GRIP1: variants seen among roughly 807,000 people sequenced by gnomAD.
GRIP1 encodes glutamate receptor-interacting protein 1.
In GRIP1, 45 loss-of-function variants were observed where a neutral mutation model predicts 129.9. The ratio of observed to expected loss-of-function variants is 0.35; its 90% CI spans 0.27 to 0.44. The LOEUF is 0.44. GRIP1 is among the 20% of genes least tolerant of loss of function. GRIP1 has a pLI of 1.00. For missense variants in GRIP1, 1,196 were observed against 1,396.8 expected, an observed-to-expected ratio of 0.86 and a Z score of 2.29; for synonymous variants, 530 against 520.8, an observed-to-expected ratio of 1.02 and a Z score of -0.24.
intron 24 of GRIP1, among the ~76,000 whole-genome samples, chr12:66,349,563 G>T (rs550164706): frequency 5.9e-5 from 9 of 152,332 alleles, no homozygotes; most frequent in Middle Eastern, 6.8e-3. Context: ...AGAAAAGCAA[G>T]CCACAAAGAG....
chr12:66,840,908 C>T (rs1183696917), intron 1 of GRIP1, among the ~76,000 whole-genome samples: 1 of 152,168 alleles, frequency 6.6e-6, no homozygotes, highest in African/African-American at 2.4e-5. Context: ...AACTGGCTAA[C>T]ATATTTTTAA....
chr12:66,584,168 A>G (rs2139648095), intron 2 of GRIP1, among the ~76,000 whole-genome samples: 1 of 150,158 alleles, frequency 6.7e-6, no homozygotes, highest in East Asian at 2.0e-4. Context: ...ACAAAAAACC[A>G]AACACCGCAT....
In GRIP1 at chr12:66,947,777, A is replaced by G. The variant is rs78389157; in HGVS notation, c.58+121273T>C. ...TTCTCCTGCGACAGGCTATTTCTGC[A>G]GGATTCCTTAGATTTACCAACCTGA... is the stretch of plus-strand genomic sequence containing the variant. On this transcript the variant is annotated intron_variant, in intron 1 of 1. Transcript: ENST00000643019. Among the ~76,000 whole-genome samples, 825 of 152,348 alleles carry G rather than the reference A, an allele frequency of 5.4e-3. 7 individuals carry two copies. The highest frequency in any genetic ancestry group is 0.019 in the African/African-American group (784 of 41,586).
chr12:66,584,768 AAT>A (rs1248446953), intron 2 of GRIP1, among the ~76,000 whole-genome samples: 2 of 152,056 alleles, frequency 1.3e-5, no homozygotes, highest in East Asian at 1.9e-4. Context: ...ACTGCAGGGT[AAT>A]ACTCTGACAG....
intron 1 of GRIP1, among the ~76,000 whole-genome samples, chr12:66,849,252 A>C (rs1375037534): frequency 6.6e-6 from 1 of 151,852 alleles, no homozygotes; most frequent in East Asian, 1.9e-4. Context: ...TCTGGCCATA[A>C]CCATTTCTTC....
rs139374371 is a variant in GRIP1, at chr12:67,055,076, TAAC to T, written c.58+13971_58+13973del. ...TAACTGGACTAGGTTCAAGAGAGAATAACAACTACTATGGAGTTAATACAGGCA... is the reference window on the plus strand; with the variant it reads ...TAACTGGACTAGGTTCAAGAGAGAATAACTACTATGGAGTTAATACAGGCA... On this transcript the variant is annotated intron_variant, in intron 1 of 1. Coordinates refer to the GRIP1 transcript ENST00000643019. Among the ~76,000 whole-genome samples, 1,147 of 152,298 alleles carry T rather than the reference TAAC, an allele frequency of 7.5e-3. 15 individuals carry two copies. The highest frequency in any genetic ancestry group is 0.025 in the African/African-American group (1,056 of 41,562).
intron 1 of GRIP1, among the ~76,000 whole-genome samples, chr12:66,720,315 C>A (rs1161106056): frequency 6.6e-6 from 1 of 152,164 alleles, no homozygotes; most frequent in Admixed American, 6.6e-5. Context: ...AAATGCTAAC[C>A]ATCATCTGAG....
At chr12:66,797,443 C>A (rs1002494272) in intron 1 of GRIP1, among the ~76,000 whole-genome samples, 2 of 152,124 alleles carry the variant, frequency 1.3e-5, no homozygotes, top group Non-Finnish European at 1.5e-5. Context: ...GCACTCTCCA[C>A]TGGGATTTAG....
At chr12:66,537,806 T>C (rs2061651551) in intron 4 of GRIP1, among the ~76,000 whole-genome samples, 1 of 152,188 alleles carries the variant, frequency 6.6e-6, no homozygotes, top group Admixed American at 6.6e-5. Context: ...ATTCAAATAA[T>C]TTTTAAATAC....
At chr12:66,720,321 C>T (rs2036021036) in intron 1 of GRIP1, among the ~76,000 whole-genome samples, 1 of 152,212 alleles carries the variant, frequency 6.6e-6, no homozygotes, top group Non-Finnish European at 1.5e-5. Context: ...TAACCATCAT[C>T]TGAGCCTTCA....
At chr12:66,515,186 T>C (rs771591636) in intron 7 of GRIP1, among the ~76,000 whole-genome samples, 7 of 152,180 alleles carry the variant, frequency 4.6e-5, no homozygotes, top group Non-Finnish European at 1.0e-4. Flanking sequence ...TGGTCGTTTC[T>C]ATTATTTTGA....
intron 19 of GRIP1, among the ~76,000 whole-genome samples, chr12:66,380,118 C>T (rs1376973769): frequency 1.3e-5 from 2 of 151,928 alleles, no homozygotes; most frequent in African/African-American, 2.4e-5. Context: ...CCATGTTGGC[C>T]AGGATGGTCT....
chr12:66,679,444 C>CAA (rs10691128), upstream of GRIP1, among the ~76,000 whole-genome samples: 29,234 of 115,872 alleles, frequency 0.25, 3,594 homozygotes, highest in East Asian at 0.44. Flanking sequence ...AAACAACAAC[C>CAA]AAAAAAAAAA....
At chr12:66,598,780 A>G (rs2064158262) in intron 1 of GRIP1, among the ~76,000 whole-genome samples, 1 of 152,200 alleles carries the variant, frequency 6.6e-6, no homozygotes, top group Non-Finnish European at 1.5e-5. Flanking sequence ...AAATAATCAC[A>G]ACAACCAGGC....
At chr12:66,780,159 C>T (rs978598271) in intron 1 of GRIP1, among the ~76,000 whole-genome samples, 3 of 152,062 alleles carry the variant, frequency 2.0e-5, no homozygotes, top group Non-Finnish European at 4.4e-5. Context: ...ACATCAAACC[C>T]GGAGATGATG....
chr12:66,356,215 T>C (rs1265630063), intron 23 of GRIP1, among the ~76,000 whole-genome samples: 1 of 152,162 alleles, frequency 6.6e-6, no homozygotes, highest in African/African-American at 2.4e-5. Context: ...GTGAGCAGTT[T>C]AGAAAGCAAA....
At chr12:66,857,430 A>C (rs1405615060) in intron 1 of GRIP1, among the ~76,000 whole-genome samples, 1 of 152,006 alleles carries the variant, frequency 6.6e-6, no homozygotes, top group Non-Finnish European at 1.5e-5. Flanking sequence ...ACTGTGAGCC[A>C]GGTGTTTTGT....
At chr12:66,860,570 G>T (rs922371858) in intron 1 of GRIP1, among the ~76,000 whole-genome samples, 4 of 151,874 alleles carry the variant, frequency 2.6e-5, no homozygotes, top group Non-Finnish European at 5.9e-5. Context: ...CCCATTCACC[G>T]AGTGTAAGTT....
At chr12:66,744,810 T>G (rs1199271120) in intron 1 of GRIP1, among the ~76,000 whole-genome samples, 1 of 152,164 alleles carries the variant, frequency 6.6e-6, no homozygotes, top group Non-Finnish European at 1.5e-5. Flanking sequence ...TCCATCATAA[T>G]TTAGTTTTAT....
Sources: allele counts gnomAD v4.1 joint callset (sites outside exome capture counted in the v4.1 genomes callset), GRCh38; gene constraint gnomAD v4.1.1; transcripts MANE v1.5; gene names NCBI Gene and HGNC (gene_info 2026-07-23, HGNC 2026-07-21).